The following ZNF718 variants were observed in gnomAD, a reference collection of about 807,000 sequenced individuals.
ZNF718 encodes zinc finger protein 718.
Under a neutral mutation model 2.6 loss-of-function variants are expected in ZNF718, and 3 were observed. That is an observed-to-expected ratio of 1.16 (90% CI 0.53 to 3.01). ZNF718 has a LOEUF of 3.01. Among genes scored for constraint, ZNF718 ranks in the 30% most tolerant of loss-of-function variants. The probability of loss-of-function intolerance (pLI) is 0.03; values close to 1 mark genes in which losing one functional copy is unlikely to be tolerated. For synonymous variants in ZNF718, 135 were observed against 77.9 expected (o/e 1.73, Z -3.86); for missense variants, 468 against 230.0 (o/e 2.03, Z -6.69).
At chr4:187,062 G>T (rs1717580078) in intron 3 of ZNF718, among the ~76,000 whole-genome samples, 1 of 152,102 alleles carries the variant, frequency 6.6e-6, no homozygotes, top group Non-Finnish European at 1.5e-5. Context: ...CTTTCAGGTT[G>T]CTGACCTTTG....
chr4:146,149 G>A (rs1472278850), intron 3 of ZNF718, among the ~76,000 whole-genome samples: 1 of 149,862 alleles, frequency 6.7e-6, no homozygotes, highest in Non-Finnish European at 1.5e-5. Flanking sequence ...CTGTAAGTTA[G>A]GATTCCATCC....
chr4:159,420 A>G (rs1716728038), intron 3 of ZNF718, among the ~76,000 whole-genome samples: 1 of 151,860 alleles, frequency 6.6e-6, no homozygotes, highest in African/African-American at 2.4e-5. Context: ...TGGTTATCTT[A>G]TAAGACCACA....
chr4:145,009 A>G (rs1553810992), intron 3 of ZNF718, among the ~76,000 whole-genome samples: 2 of 151,586 alleles, frequency 1.3e-5, no homozygotes, highest in African/African-American at 2.4e-5. Context: ...AGTTATTGGC[A>G]TGGAATATTC....
chr4:196,608 G>A (rs1286126150), intron 3 of ZNF718, among the ~76,000 whole-genome samples: 1 of 152,046 alleles, frequency 6.6e-6, no homozygotes. Flanking sequence ...GGCAACTGTT[G>A]AGAAGAGACT....
intron 3 of ZNF718, among the ~76,000 whole-genome samples, chr4:184,861 CTT>C (rs1323643780): frequency 6.6e-6 from 1 of 152,088 alleles, no homozygotes; most frequent in Non-Finnish European, 1.5e-5. Context: ...AGTAATATCT[CTT>C]TTATTATTTC....
intron 3 of ZNF718, among the ~76,000 whole-genome samples, chr4:169,996 T>A (rs1717184230): frequency 6.6e-6 from 1 of 152,208 alleles, no homozygotes; most frequent in South Asian, 2.1e-4. Context: ...CAGTTATTCC[T>A]TTCCATTTTT....
downstream of ZNF718, among the ~76,000 whole-genome samples, chr4:165,585 G>A (rs1413664919): frequency 2.6e-5 from 4 of 152,184 alleles, no homozygotes; most frequent in African/African-American, 9.7e-5. Flanking sequence ...GATAACCTGA[G>A]GTCAGGAGTT....
chr4:125,122 A>C (rs1715142199), intron 1 of ZNF718: 1 of 160,242 alleles, frequency 6.2e-6, no homozygotes, highest in African/African-American at 2.4e-5. Context: ...CTTGAAGGAA[A>C]GGCTTTTGTG....
intron 3 of ZNF718, among the ~76,000 whole-genome samples, chr4:157,099 CTTTCTTTT>C (rs1716605100): frequency 5.1e-5 from 3 of 58,902 alleles, no homozygotes; most frequent in African/African-American, 2.1e-4. Context: ...TTCTTTCTTT[CTTTCTTTT>C]TTTTTTTTTT....
chr4:201,414 G>C (rs1240958828), intron 4 of ZNF718: 3 of 152,288 alleles, frequency 2.0e-5, no homozygotes, highest in Non-Finnish European at 4.4e-5. Context: ...GAGTAGCTTA[G>C]TATACTGGAA....
At chr4:124,989 C>T in intron 1 of ZNF718, 1 of 321,552 alleles carries the variant, frequency 3.1e-6, no homozygotes, top group South Asian at 3.4e-5. Context: ...GAATCCCGTC[C>T]CTACTTTACC....
chr4:180,969 T>C (rs1415927471), intron 3 of ZNF718, among the ~76,000 whole-genome samples: 1 of 152,188 alleles, frequency 6.6e-6, no homozygotes, highest in Admixed American at 6.5e-5. Flanking sequence ...GTCTTTTGTA[T>C]TCATTATGAT....
At chr4:177,745 G>A (rs12108398) in intron 3 of ZNF718, among the ~76,000 whole-genome samples, 6,862 of 152,204 alleles carry the variant, frequency 0.045, 408 homozygotes, top group African/African-American at 0.13. Flanking sequence ...CCTGACAAAG[G>A]ACAAAACAAT....
intron 3 of ZNF718, among the ~76,000 whole-genome samples, chr4:172,508 C>A (rs1432080287): frequency 4.6e-5 from 7 of 152,106 alleles, no homozygotes; most frequent in Admixed American, 2.6e-4. Flanking sequence ...AAATTTAATT[C>A]TCACAGTAAC....
chr4:157,524 C>T (rs1716628642), intron 3 of ZNF718, among the ~76,000 whole-genome samples: 1 of 152,122 alleles, frequency 6.6e-6, no homozygotes, highest in Admixed American at 6.6e-5. Context: ...AGAAATTTGA[C>T]AGGGATTGCA....
intron 1 of ZNF718, among the ~76,000 whole-genome samples, chr4:126,223 A>C (rs976365060): frequency 2.9e-4 from 44 of 152,364 alleles, no homozygotes; most frequent in African/African-American, 9.9e-4. Context: ...ACCATGCCTT[A>C]GACCTGGCTG....
chr4:198,970 T>C (rs538162354), intron 3 of ZNF718, among the ~76,000 whole-genome samples: 2 of 152,234 alleles, frequency 1.3e-5, no homozygotes, highest in Admixed American at 6.5e-5. Flanking sequence ...GCAAGTAACT[T>C]GCCCATGGTC....
downstream of ZNF718, among the ~76,000 whole-genome samples, chr4:164,198 CAT>C (rs1325114578): frequency 1.1e-4 from 17 of 152,046 alleles, no homozygotes; most frequent in African/African-American, 3.9e-4. Flanking sequence ...TTCTGGCAAA[CAT>C]GTACAGACTT....
At chr4:174,508 T>C (rs1452531462) in intron 3 of ZNF718, among the ~76,000 whole-genome samples, 2 of 152,320 alleles carry the variant, frequency 1.3e-5, no homozygotes, top group African/African-American at 4.8e-5. Flanking sequence ...GTGCAAAATA[T>C]TTTTGTCAAG....
Sources: gnomAD v4.1 joint callset for allele counts (sites outside exome capture counted in the v4.1 genomes callset) on GRCh38, gnomAD v4.1.1 for gene constraint, MANE v1.5 for transcripts, NCBI Gene and HGNC (gene_info 2026-07-23, HGNC 2026-07-21) for gene names.